KIFAP3: variants seen among roughly 807,000 people sequenced by gnomAD.
KIFAP3 encodes the protein kinesin associated protein 3, also known as kinesin-associated protein 3.
KIFAP3 carries 68 observed loss-of-function variants against 106.5 expected under a neutral mutation model. That is an observed-to-expected ratio of 0.64 (90% CI 0.53 to 0.78). KIFAP3 has a LOEUF of 0.78. KIFAP3 is among the 30% of genes least tolerant of loss of function. KIFAP3 has a pLI of 0.00. For missense variants in KIFAP3, 780 were observed against 941.8 expected (o/e 0.83, Z 2.25); for synonymous variants, 320 against 311.5 (o/e 1.03, Z -0.29).
chr1:170,021,435 T>C (rs1328888025), intron 9 of KIFAP3, among the ~76,000 whole-genome samples: 2 of 111,064 alleles, frequency 1.8e-5, no homozygotes, highest in African/African-American at 8.2e-5. Flanking sequence ...TGTTATTAAG[T>C]TTTTTTTTTT....
chr1:169,968,805 T>C (rs1665762009), intron 17 of KIFAP3, among the ~76,000 whole-genome samples: 1 of 149,184 alleles, frequency 6.7e-6, no homozygotes, highest in South Asian at 2.1e-4. Flanking sequence ...TATGCATGGG[T>C]TCTTTTAAGT....
intron 19 of KIFAP3, among the ~76,000 whole-genome samples, chr1:169,923,815 G>A (rs1662962337): frequency 6.6e-6 from 1 of 152,208 alleles, no homozygotes; most frequent in South Asian, 2.1e-4. Context: ...ACAGAACAAG[G>A]AGCGTCTCAG....
chr1:170,000,535 A>C (rs553357602), intron 10 of KIFAP3, among the ~76,000 whole-genome samples: 2 of 152,278 alleles, frequency 1.3e-5, no homozygotes, highest in Non-Finnish European at 2.9e-5. Context: ...CACCACTTAA[A>C]AGATAATTGC....
At chr1:169,960,987 C>T (rs985413230) in intron 18 of KIFAP3, 59 bp downstream of exon 18, 11 of 1,368,538 alleles carry the variant, frequency 8.0e-6, no homozygotes, top group East Asian at 7.1e-5. Flanking sequence ...CAAGGCTGGC[C>T]GACTAAAATC....
chr1:169,962,972 T>C (rs1008404934), intron 17 of KIFAP3, among the ~76,000 whole-genome samples: 4 of 152,190 alleles, frequency 2.6e-5, no homozygotes, highest in Admixed American at 1.3e-4. Flanking sequence ...ATTTTTATTT[T>C]AGGTTCAGGG....
chr1:170,039,972 T>A (rs1459891257), intron 3 of KIFAP3, among the ~76,000 whole-genome samples: 1 of 152,094 alleles, frequency 6.6e-6, no homozygotes, highest in Non-Finnish European at 1.5e-5. Flanking sequence ...ACTTTATGGA[T>A]CTGGATCATA....
intron 5 of KIFAP3, 93 bp downstream of exon 5, chr1:170,038,197 T>C: frequency 2.0e-6 from 2 of 984,972 alleles, no homozygotes; most frequent in African/African-American, 1.7e-5. Flanking sequence ...AAGAAAGAAA[T>C]AAAGAGCTGG....
At position 169,992,273 on chromosome 1, in the gene KIFAP3, T is replaced by C. The variant is rs752397870; in HGVS notation, c.1184-18A>G. On this transcript the variant is annotated intron_variant, in intron 10 of 19. Coordinates refer to ENST00000361580, the MANE Select transcript of KIFAP3 (RefSeq NM_014970.4). ...GTCATTGCCTAGGAATAAAACATCA[T>C]GGTGATGATGCTATAAATATATATT... 1.5e-6 allele frequency: 2 copies of C among 1,327,334 alleles called. No homozygotes were observed. The highest frequency in any genetic ancestry group is 1.3e-5 in the South Asian group (1 of 74,108). 82.2% of individuals were successfully genotyped at this position (1,327,334 alleles called of 1,614,324 possible). A position where few individuals can be genotyped will look rare whatever the true frequency, so the allele number is the denominator to read the frequency against.
intron 12 of KIFAP3, among the ~76,000 whole-genome samples, chr1:169,984,099 A>G (rs1666665059): frequency 6.6e-6 from 1 of 151,764 alleles, no homozygotes; most frequent in African/African-American, 2.4e-5. Context: ...TTATCTGTGG[A>G]TGGTAGGAAA....
chr1:169,999,641 T>C (rs945929060), intron 10 of KIFAP3, among the ~76,000 whole-genome samples: 2 of 152,228 alleles, frequency 1.3e-5, no homozygotes, highest in African/African-American at 4.8e-5. Flanking sequence ...ATGAACTCAC[T>C]GGCTATTAAA....
chr1:169,939,417 G>A (rs1232126165), intron 19 of KIFAP3, among the ~76,000 whole-genome samples: 1 of 152,186 alleles, frequency 6.6e-6, no homozygotes, highest in Admixed American at 6.5e-5. Flanking sequence ...AAGATTAAGG[G>A]AGGAACCTGT....
chr1:169,934,397 C>T (rs573267139), intron 19 of KIFAP3, among the ~76,000 whole-genome samples: 1 of 152,096 alleles, frequency 6.6e-6, no homozygotes, highest in African/African-American at 2.4e-5. Context: ...AGGGATGAAA[C>T]TTACTGACAG....
rs76206789 is a variant in KIFAP3 at position 170,067,643 on chromosome 1, T to C, written c.32+6793A>G. The C allele has an allele frequency of 0.063, 9,641 of 152,340 alleles. 389 individuals are homozygous for C. Among genetic ancestry groups the C allele is most frequent in the Non-Finnish European group, 0.095 (6,474 of 68,048 alleles). The allele number at this position is 152,340 out of a possible 1,614,324, so 9.4% of individuals were successfully genotyped here. On this transcript the variant is annotated intron_variant, in intron 1 of 19. Coordinates refer to ENST00000361580, the MANE Select transcript of KIFAP3 (RefSeq NM_014970.4). ...TTTGTCTGATTGTTTTGCAACTGACTGAAGTTTCCTTTGAGGTCAGCTGCA... is the reference window on the plus strand; with the variant it reads ...TTTGTCTGATTGTTTTGCAACTGACCGAAGTTTCCTTTGAGGTCAGCTGCA...
chr1:169,991,362 G>A (rs1157913384), intron 11 of KIFAP3, among the ~76,000 whole-genome samples: 1 of 150,872 alleles, frequency 6.6e-6, no homozygotes, highest in African/African-American at 2.4e-5. Flanking sequence ...AAAAAAGGAA[G>A]GAAGGAAGGA....
chr1:170,067,086 G>A (rs990444891), intron 1 of KIFAP3, among the ~76,000 whole-genome samples: 6 of 152,038 alleles, frequency 3.9e-5, no homozygotes, highest in Non-Finnish European at 1.5e-5. Context: ...TTTAATAGCA[G>A]ATTAGATACG....
chr1:169,961,815 G>T (rs765798696), intron 17 of KIFAP3, among the ~76,000 whole-genome samples: 14 of 151,960 alleles, frequency 9.2e-5, no homozygotes, highest in African/African-American at 4.8e-5. Context: ...TTACATTATT[G>T]TAAGAATACA....
chr1:169,985,536 A>C (rs1287538357), intron 11 of KIFAP3, among the ~76,000 whole-genome samples: 1 of 151,894 alleles, frequency 6.6e-6, no homozygotes, highest in Non-Finnish European at 1.5e-5. Context: ...TAGGGTAGAA[A>C]AAAACTTTAA....
chr1:170,059,432 C>T (rs192271020), intron 1 of KIFAP3, among the ~76,000 whole-genome samples: 9,606 of 152,106 alleles, frequency 0.063, 388 homozygotes, highest in Non-Finnish European at 0.095. Flanking sequence ...AATTCCTGGA[C>T]ACACATACAC....
intron 16 of KIFAP3, among the ~76,000 whole-genome samples, chr1:169,976,770 G>A (rs1462836245): frequency 2.0e-5 from 3 of 152,152 alleles, no homozygotes; most frequent in African/African-American, 7.2e-5. Flanking sequence ...AGGCTAGAAT[G>A]CAGTGGCACA....
Sources: gnomAD v4.1 joint callset for allele counts (sites outside exome capture counted in the v4.1 genomes callset) on GRCh38, gnomAD v4.1.1 for gene constraint, MANE v1.5 for transcripts, NCBI Gene and HGNC (gene_info 2026-07-23, HGNC 2026-07-21) for gene names.